Variants in UBN1 observed in about 807,000 individuals in gnomAD.
UBN1 encodes the protein ubinuclein 1, also known as ubinuclein-1.
In UBN1, 17 loss-of-function variants were observed where a neutral mutation model predicts 108.5. The ratio of observed to expected loss-of-function variants is 0.16; its 90% CI spans 0.11 to 0.24. UBN1 has a LOEUF of 0.24. UBN1 is among the 10% of genes least tolerant of loss of function. The pLI, the probability that UBN1 is intolerant of heterozygous loss-of-function variation, is 1.00. For synonymous variants in UBN1, 726 were observed against 564.2 expected (o/e 1.29, Z -4.07); for missense variants, 1,595 against 1,394.4 (o/e 1.14, Z -2.29).
At chr16:4,856,755 C>T (rs890495131) in intron 2 of UBN1, among the ~76,000 whole-genome samples, 1 of 152,206 alleles carries the variant, frequency 6.6e-6, no homozygotes, top group African/African-American at 2.4e-5. Flanking sequence ...CTTACAGTTA[C>T]ATAACCACTC....
In UBN1 at chr16:4,860,991, T is replaced by G. The variant is rs2087032413; in HGVS notation, c.999T>G (p.Asp333Glu). The change falls in exon 7 of 18, where the codon GAT becomes GAG. Residue 333 changes from aspartate to glutamate, a missense_variant. By Grantham distance (45) the Asp-to-Glu change is conservative (BLOSUM62 2). This residue lies in a region of UBN1 where 1,398 missense variants were observed against 1,194.7 expected (regional missense o/e 1.17). Coordinates refer to ENST00000262376, the MANE Select transcript of UBN1 (RefSeq NM_001079514.3). ...SPEGSPFRDM[D>E]DGSDSLGVGL... ...AAGGAAGTCCCTTCCGAGATATGGATGATGGAAGTGATTCCCTTGGGGTGG... is the reference window on the plus strand; with the variant it reads ...AAGGAAGTCCCTTCCGAGATATGGAGGATGGAAGTGATTCCCTTGGGGTGG... 6.2e-7 allele frequency: 1 copy of G among 1,614,206 alleles called. No homozygotes were observed. The highest frequency in any genetic ancestry group is 8.5e-7 in the Non-Finnish European group (1 of 1,180,036).
At position 4,877,260 on chromosome 16, in the gene UBN1, C is replaced by G. The variant is rs2087926873; in HGVS notation, c.3266-125C>G. ...GAACTGTGCCAAGCCCCCACTGCCCCTTTGGGTGTGGTGCCCAGACTGGCC... is the reference window on the plus strand; with the variant it reads ...GAACTGTGCCAAGCCCCCACTGCCCGTTTGGGTGTGGTGCCCAGACTGGCC... On this transcript the variant is annotated intron_variant, in intron 16 of 17. Coordinates refer to ENST00000262376, the MANE Select transcript of UBN1 (RefSeq NM_001079514.3). This position sits in a 1 kb window ranked among gnomAD's most constrained non-coding sequence, Gnocchi z 4.3. 2 of 1,513,702 alleles carry G rather than the reference C, an allele frequency of 1.3e-6. No individual in the cohort carries two copies. Among genetic ancestry groups the G allele is most frequent in the African/African-American group, 2.8e-5 (2 of 72,280 alleles). The allele number at this position is 1,513,702 out of a possible 1,614,324, so 93.8% of individuals were successfully genotyped here.
intron 7 of UBN1, among the ~76,000 whole-genome samples, chr16:4,864,590 C>T (rs1292607079): frequency 6.6e-6 from 1 of 152,108 alleles, no homozygotes; most frequent in African/African-American, 2.4e-5. Flanking sequence ...TGTCTTTTGT[C>T]TTGGTTGTTG....
In UBN1 at chr16:4,880,908, C is replaced by T. The variant is rs2088057231; in HGVS notation, c.*776C>T. 1.3e-5 allele frequency: 2 copies of T among 152,520 alleles called. No homozygotes were observed. Among genetic ancestry groups the T allele is most frequent in the Admixed American group, 1.3e-4 (2 of 15,278 alleles). 9.4% of individuals were successfully genotyped at this position (152,520 alleles called of 1,614,324 possible). A position where few individuals can be genotyped will look rare whatever the true frequency, so the allele number is the denominator to read the frequency against. On this transcript the variant is annotated 3_prime_UTR_variant, in exon 18 of 18. Transcript: ENST00000262376. Reference sequence around the variant, plus strand: ...TTTATGGTGGAGCAGAATTCGACAACACATGTCCATTCAGCCCTCTGAATG... The same window carrying T: ...TTTATGGTGGAGCAGAATTCGACAATACATGTCCATTCAGCCCTCTGAATG...
At chr16:4,859,181 G>T in intron 5 of UBN1, 22 bp downstream of exon 5, 1 of 1,606,938 alleles carries the variant, frequency 6.2e-7, no homozygotes, top group Non-Finnish European at 8.5e-7. Context: ...CTTGCTTTTG[G>T]ATTTCAGAAA....
At chr16:4,855,940 A>T (rs1304883667) in intron 2 of UBN1, among the ~76,000 whole-genome samples, 1 of 152,154 alleles carries the variant, frequency 6.6e-6, no homozygotes, top group African/African-American at 2.4e-5. Flanking sequence ...ACCAAACCAA[A>T]AAAGAAAAAG....
At chr16:4,866,958 C>T (rs2087364492) in intron 7 of UBN1, among the ~76,000 whole-genome samples, 1 of 152,198 alleles carries the variant, frequency 6.6e-6, no homozygotes. Context: ...TAAAGAGAGG[C>T]TCTTGGGGGG....
chr16:4,850,998 C>G (rs2142103641), intron 1 of UBN1, among the ~76,000 whole-genome samples: 1 of 152,306 alleles, frequency 6.6e-6, no homozygotes, highest in East Asian at 1.9e-4. Flanking sequence ...TAAAGAATCT[C>G]TAAATACCGT....
At position 4,870,876 on chromosome 16, in the gene UBN1, G is replaced by A; in HGVS notation, c.1463G>A (p.Arg488Lys). The change falls in exon 11 of 18, where the codon AGG becomes AAG. Residue 488 changes from arginine to lysine, a missense_variant. Arg to Lys is a conservative substitution (Grantham distance 26). Transcript: ENST00000262376. Reference sequence around the variant, plus strand: ...GAAGAGGAGAAAGACAAGGAGCAGAGGGACCGGATTTGTTCGGATGAGGAA... The same window carrying A: ...GAAGAGGAGAAAGACAAGGAGCAGAAGGACCGGATTTGTTCGGATGAGGAA... ...MLEEEKDKEQRDRICSDEEED... is the reference protein window; with the variant it reads ...MLEEEKDKEQKDRICSDEEED... 6.2e-7 allele frequency: 1 copy of A among 1,614,120 alleles called. No homozygotes were observed. Among genetic ancestry groups the A allele is most frequent in the Non-Finnish European group, 8.5e-7 (1 of 1,180,018 alleles).
chr16:4,858,992 A>G, intron 4 of UBN1, 33 bp from the exon 5 acceptor site: 6 of 1,608,790 alleles, frequency 3.7e-6, no homozygotes, highest in Non-Finnish European at 5.1e-6. Flanking sequence ...CAGAAGCAGA[A>G]CTTGGAGCTG....
chr16:4,869,612 C>T (rs574480226), intron 8 of UBN1, among the ~76,000 whole-genome samples: 22 of 152,300 alleles, frequency 1.4e-4, no homozygotes, highest in African/African-American at 5.1e-4. Context: ...CTCGCCTGGC[C>T]GGGACCTGGA....
intron 7 of UBN1, among the ~76,000 whole-genome samples, chr16:4,862,626 T>A (rs2087119720): frequency 6.6e-6 from 1 of 152,254 alleles, no homozygotes; most frequent in Admixed American, 6.5e-5. Flanking sequence ...TTAAGGTCTA[T>A]GTGACGATAG....
chr16:4,876,068 C>T (rs1399963900), intron 15 of UBN1, among the ~76,000 whole-genome samples: 5 of 151,704 alleles, frequency 3.3e-5, no homozygotes, highest in African/African-American at 4.8e-5. Context: ...ACGCCATTCT[C>T]CTGCCTCAGC....
intron 12 of UBN1, among the ~76,000 whole-genome samples, chr16:4,872,617 C>G (rs914261156): frequency 6.6e-6 from 1 of 151,990 alleles, no homozygotes; most frequent in South Asian, 2.1e-4. Flanking sequence ...TACAGGCGTG[C>G]GCCACCACGC....
intron 1 of UBN1, among the ~76,000 whole-genome samples, chr16:4,849,973 A>G (rs902024259): frequency 4.0e-5 from 6 of 151,478 alleles, no homozygotes; most frequent in African/African-American, 1.5e-4. Context: ...AAAACCACAA[A>G]AAAAGCTAAA....
intron 12 of UBN1, chr16:4,872,095 A>G (rs2087670929): frequency 1.4e-6 from 1 of 718,376 alleles, no homozygotes. Flanking sequence ...GGGACAGAGA[A>G]AGTTAGCTGG....
In UBN1 at chr16:4,870,357, GTGAAGCCCTTTGGCTT is replaced by G. The variant is rs1567937230; in HGVS notation, c.1311+19_1311+34del. The G allele has an allele frequency of 6.2e-7, 1 of 1,613,666 alleles. No homozygotes were observed. Among genetic ancestry groups the G allele is most frequent in the Non-Finnish European group, 8.5e-7 (1 of 1,179,842 alleles). On this transcript the variant is annotated intron_variant, in intron 9 of 17. Coordinates refer to ENST00000262376, the MANE Select transcript of UBN1 (RefSeq NM_001079514.3). ...CTATGAACAGGTGGGTGACTCTAGAGTGAAGCCCTTTGGCTTTGGGGTCCTGGCGGAGGGGTGACTG... is the reference window on the plus strand; with the variant it reads ...CTATGAACAGGTGGGTGACTCTAGAGTGGGGTCCTGGCGGAGGGGTGACTG...
chr16:4,861,673 G>A (rs1446576746), intron 7 of UBN1, among the ~76,000 whole-genome samples: 2 of 152,252 alleles, frequency 1.3e-5, no homozygotes, highest in Admixed American at 1.3e-4. Context: ...AGGGTGCAGT[G>A]GCTCACGCCT....
At chr16:4,854,492 A>T (rs1036049612) in intron 2 of UBN1, among the ~76,000 whole-genome samples, 1 of 145,718 alleles carries the variant, frequency 6.9e-6, no homozygotes, top group Non-Finnish European at 1.5e-5. Flanking sequence ...TACGGGTGCC[A>T]GCCACCACGC....
Sources: gnomAD v4.1 joint callset for allele counts (sites outside exome capture counted in the v4.1 genomes callset) on GRCh38, gnomAD v4.1.1 for gene constraint, gnomAD v4.1.1 regional missense constraint, Gnocchi (gnomAD v3.1) non-coding constraint, MANE v1.5 for transcripts, NCBI Gene and HGNC (gene_info 2026-07-23, HGNC 2026-07-21) for gene names.